TLL1: variants seen among roughly 807,000 people sequenced by gnomAD.
TLL1 encodes the protein tolloid like 1.
TLL1 carries 49 observed loss-of-function variants against 128.2 expected under a neutral mutation model. That is an observed-to-expected ratio of 0.38 (90% confidence interval 0.30 to 0.48). The LOEUF is 0.48. Among genes scored for constraint, TLL1 ranks in the 20% least tolerant of loss-of-function variants. The pLI is 0.96. For missense variants in TLL1, 1,123 were observed against 1,242.0 expected (o/e 0.90, Z 1.44); for synonymous variants, 454 against 418.8 (o/e 1.08, Z -1.03).
At chr4:166,095,015 A>T (rs916308418) in intron 19 of TLL1, among the ~76,000 whole-genome samples, 8 of 152,174 alleles carry the variant, frequency 5.3e-5, no homozygotes, top group African/African-American at 1.7e-4. Context: ...AGCCAAGTCC[A>T]GTACCGTATC....
rs575460184 is a variant in TLL1, at chr4:166,026,383, G to C, written c.1158+952G>C. On this transcript the variant is annotated intron_variant, in intron 9 of 20. Transcript: ENST00000061240. ...ACTCCAGCCTGGGTGACAGAGCAAG[G>C]CTCTGTCAAAAACAAAAACAAGGCC... 4.0e-5 allele frequency among the ~76,000 whole-genome samples: 6 copies of C among 149,800 alleles called. No individual in the cohort carries two copies. In the South Asian group the frequency reaches 1.3e-3, roughly 32 times the overall value.
chr4:166,059,790 T>C (rs910925867), intron 14 of TLL1, among the ~76,000 whole-genome samples: 7 of 152,074 alleles, frequency 4.6e-5, no homozygotes, highest in Admixed American at 4.6e-4. Context: ...TACTAAAATT[T>C]AGTACAGCCA....
intron 5 of TLL1, among the ~76,000 whole-genome samples, chr4:165,998,476 A>G (rs1399424644): frequency 3.9e-5 from 6 of 152,148 alleles, no homozygotes. Context: ...ACTTTGGTCT[A>G]TTTGATTATT....
At chr4:166,039,134 A>G (rs1242837542) in intron 9 of TLL1, among the ~76,000 whole-genome samples, 1 of 152,200 alleles carries the variant, frequency 6.6e-6, no homozygotes, top group Admixed American at 6.5e-5. Context: ...TTCTCCTGAC[A>G]TTGTAAAACA....
intron 15 of TLL1, among the ~76,000 whole-genome samples, chr4:166,064,121 A>G (rs1175724951): frequency 6.6e-6 from 1 of 152,110 alleles, no homozygotes; most frequent in African/African-American, 2.4e-5. Context: ...AAAGACTGCA[A>G]TTTATCATTT....
intron 8 of TLL1, among the ~76,000 whole-genome samples, chr4:166,023,002 G>A (rs1738313144): frequency 6.6e-6 from 1 of 152,216 alleles, no homozygotes; most frequent in African/African-American, 2.4e-5. Context: ...ACACCATTGT[G>A]AAGTTTATAT....
intron 8 of TLL1, among the ~76,000 whole-genome samples, chr4:166,023,911 G>A (rs1470727146): frequency 1.6e-4 from 23 of 148,158 alleles, no homozygotes; most frequent in Admixed American, 1.5e-3. Context: ...TTAATTATAG[G>A]TTTGGTTTTT....
At chr4:165,967,469 A>G (rs970417932) in intron 1 of TLL1, among the ~76,000 whole-genome samples, 1 of 152,238 alleles carries the variant, frequency 6.6e-6, no homozygotes, top group African/African-American at 2.4e-5. Context: ...GGCATAAGAA[A>G]TTATAAAAAT....
intron 1 of TLL1, among the ~76,000 whole-genome samples, chr4:165,903,909 AG>A (rs1416924133): frequency 1.3e-5 from 2 of 151,992 alleles, no homozygotes; most frequent in Admixed American, 6.6e-5. Context: ...TAAAATATAT[AG>A]GGTTTTTTTG....
intron 1 of TLL1, among the ~76,000 whole-genome samples, chr4:165,918,103 G>A (rs1732868603): frequency 6.6e-6 from 1 of 152,110 alleles, no homozygotes; most frequent in Non-Finnish European, 1.5e-5. Flanking sequence ...TAAGAAGATA[G>A]TATAGTAAGT....
chr4:165,962,581 A>C (rs190685370), intron 1 of TLL1, among the ~76,000 whole-genome samples: 18 of 152,286 alleles, frequency 1.2e-4, no homozygotes, highest in African/African-American at 4.3e-4. Context: ...TATATACCCA[A>C]AGGAAAATAA....
At position 166,005,729 on chromosome 4, in the gene TLL1, T is replaced by C. The variant is rs571699552; in HGVS notation, c.811+2160T>C. ...TTGCTGTTACCAAGAATTATTCGTG[T>C]TTTTTATTTGCCAAACATTTAATTA... On this transcript the variant is annotated intron_variant, in intron 6 of 20. Transcript: ENST00000061240. Among the ~76,000 whole-genome samples the C allele has an allele frequency of 4.3e-4, 64 of 147,168 alleles. 1 individual carries two copies. The South Asian group carries it at 0.014, about 31-fold the overall frequency.
chr4:166,060,203 A>G lies in TLL1; in HGVS notation c.2007+15A>G, dbSNP rs1367043653. 3 of 1,613,196 alleles carry G rather than the reference A, an allele frequency of 1.9e-6. No homozygotes were observed. Among genetic ancestry groups the G allele is most frequent in the Non-Finnish European group, 2.5e-6 (3 of 1,179,606 alleles). ...AAGGCAATGAAGTAAGTGAACAATAACTGTAATTTTTTAAATCATGTTTTG... is the reference window on the plus strand; with the variant it reads ...AAGGCAATGAAGTAAGTGAACAATAGCTGTAATTTTTTAAATCATGTTTTG... On this transcript the variant is annotated intron_variant, in intron 15 of 20. Coordinates refer to ENST00000061240, the MANE Select transcript of TLL1 (RefSeq NM_012464.5).
Position 165,941,732 on chromosome 4 carries a change from C to T in TLL1, c.170-47649C>T, listed in dbSNP as rs117435855. On this transcript the variant is annotated intron_variant, in intron 1 of 20. Coordinates refer to ENST00000061240, the MANE Select transcript of TLL1 (RefSeq NM_012464.5). ...AACAAAGCACTCCCACATACAAGGACAAAATCCTATAACCAATAGCTGTTT... is the reference window on the plus strand; with the variant it reads ...AACAAAGCACTCCCACATACAAGGATAAAATCCTATAACCAATAGCTGTTT... Among the ~76,000 whole-genome samples the T allele has an allele frequency of 2.4e-3, 370 of 152,154 alleles. 1 individual carries two copies. In the East Asian group the frequency reaches 0.039, roughly 16 times the overall value.
At chr4:165,950,688 T>A (rs573174066) in intron 1 of TLL1, among the ~76,000 whole-genome samples, 1 of 151,944 alleles carries the variant, frequency 6.6e-6, no homozygotes, top group African/African-American at 2.4e-5. Context: ...AGAAGAAATA[T>A]CAAAGGAAGG....
At chr4:165,895,389 G>A (rs576423511) in intron 1 of TLL1, among the ~76,000 whole-genome samples, 2 of 151,948 alleles carry the variant, frequency 1.3e-5, no homozygotes, top group African/African-American at 2.4e-5. Context: ...TGCCAAAATT[G>A]CCATTGACAA....
At chr4:165,938,791 T>G (rs1211424325) in intron 1 of TLL1, among the ~76,000 whole-genome samples, 1 of 151,914 alleles carries the variant, frequency 6.6e-6, no homozygotes, top group African/African-American at 2.4e-5. Flanking sequence ...TTTTTTTTTT[T>G]TTTGTACTCC....
Position 165,994,534 on chromosome 4 carries a change from G to A in TLL1, c.514+1G>A, listed in dbSNP as rs941365644. The A allele has an allele frequency of 6.2e-7, 1 of 1,613,746 alleles. No homozygotes were observed. Among genetic ancestry groups the A allele is most frequent in the Non-Finnish European group, 8.5e-7 (1 of 1,179,842 alleles). On this transcript the variant is annotated splice_donor_variant, in intron 4 of 20. Transcript: ENST00000061240. LOFTEE classifies it high-confidence loss of function. ...TATGTTATAGGAGGAAACTTCACTG[G>A]TAAGATACTCCCAGCATGTCTGTTT...
chr4:166,064,198 TAG>T (rs1414287419), intron 15 of TLL1, among the ~76,000 whole-genome samples: 1 of 152,060 alleles, frequency 6.6e-6, no homozygotes, highest in Non-Finnish European at 1.5e-5. Context: ...ATACTATTTT[TAG>T]AGAGGTTTTT....
Sources: allele counts gnomAD v4.1 joint callset (sites outside exome capture counted in the v4.1 genomes callset), GRCh38; gene constraint gnomAD v4.1.1; transcripts MANE v1.5; gene names NCBI Gene and HGNC (gene_info 2026-07-23, HGNC 2026-07-21).